The following ATP7A variants were observed in gnomAD, a reference collection of about 807,000 sequenced individuals.
ATP7A encodes the protein ATPase copper transporting alpha.
In ATP7A, 7 loss-of-function variants were observed where a neutral mutation model predicts 83.5. The observed-to-expected ratio is 0.08, with a 90% CI of 0.05 to 0.16. The LOEUF is 0.16. ATP7A is among the 10% of genes least tolerant of loss of function. The pLI, the probability that ATP7A is intolerant of heterozygous loss-of-function variation, is 1.00. For missense variants in ATP7A, 940 were observed against 1,120.8 expected (o/e 0.84, Z 2.30); for synonymous variants, 354 against 395.2 (o/e 0.90, Z 1.24).
chrX:77,923,897 A>G (rs1169146519), intron 1 of ATP7A: 1 of 111,775 alleles, frequency 8.9e-6, no homozygotes, highest in East Asian at 2.8e-4. Context: ...CACAGCTACA[A>G]CAGAATATAC....
intron 2 of ATP7A, among the ~76,000 whole-genome samples, chrX:77,986,445 C>T: frequency 8.9e-6 from 1 of 112,369 alleles, no homozygotes; most frequent in South Asian, 3.7e-4. Flanking sequence ...CTATATTTAA[C>T]TGCTTTTTTG....
At chrX:78,006,276 C>T (rs2077774307) in intron 6 of ATP7A, among the ~76,000 whole-genome samples, 1 of 111,897 alleles carries the variant, frequency 8.9e-6, no homozygotes, top group South Asian at 3.7e-4. Context: ...ATCCAACAGA[C>T]ATTTTTGCAT....
intron 1 of ATP7A, among the ~76,000 whole-genome samples, chrX:77,956,015 A>G (rs1293509017): frequency 9.0e-6 from 1 of 111,136 alleles, no homozygotes; most frequent in African/African-American, 3.3e-5. Context: ...GTATATATAT[A>G]CACCACATTT....
intron 1 of ATP7A, among the ~76,000 whole-genome samples, chrX:77,942,878 G>A (rs2077359179): frequency 1.8e-5 from 2 of 111,547 alleles, no homozygotes; most frequent in South Asian, 3.7e-4. Flanking sequence ...GCATGATCTC[G>A]GCTGACTGCA....
intron 1 of ATP7A, among the ~76,000 whole-genome samples, chrX:77,958,410 G>C (rs1240477047): frequency 9.0e-6 from 1 of 111,455 alleles, no homozygotes; most frequent in Non-Finnish European, 1.9e-5. Flanking sequence ...GATGGCTGTA[G>C]GTGCATGAAT....
intron 2 of ATP7A, among the ~76,000 whole-genome samples, chrX:77,986,381 A>C (rs782060766): frequency 8.9e-6 from 1 of 112,813 alleles, no homozygotes; most frequent in Non-Finnish European, 1.9e-5. Context: ...TTTTAATTAT[A>C]ATTTTGAGTT....
intron 15 of ATP7A, among the ~76,000 whole-genome samples, chrX:78,030,015 G>A (rs1424767973): frequency 2.7e-5 from 3 of 111,964 alleles, no homozygotes; most frequent in African/African-American, 9.7e-5. Flanking sequence ...TATGTACAGA[G>A]GTATATAGTA....
At chrX:77,914,311 C>T (rs1332280632) in intron 1 of ATP7A, among the ~76,000 whole-genome samples, 1 of 110,004 alleles carries the variant, frequency 9.1e-6, no homozygotes, top group African/African-American at 3.3e-5. Context: ...AGTGCAGTGG[C>T]GCCATCATAA....
chrX:77,934,579 C>A (rs1356459529), intron 1 of ATP7A, among the ~76,000 whole-genome samples: 1 of 111,116 alleles, frequency 9.0e-6, no homozygotes, highest in Non-Finnish European at 1.9e-5. Flanking sequence ...GCCTTTTTTT[C>A]CCCCTTAGGG....
intron 1 of ATP7A, among the ~76,000 whole-genome samples, chrX:77,938,459 G>A (rs1272516122): frequency 1.8e-5 from 2 of 112,526 alleles, no homozygotes; most frequent in Admixed American, 1.9e-4. Flanking sequence ...TTCAGTTCTA[G>A]TTCCTTTTTT....
At chrX:77,960,584 C>T (rs924371492) in intron 1 of ATP7A, among the ~76,000 whole-genome samples, 2 of 111,829 alleles carry the variant, frequency 1.8e-5, no homozygotes, top group African/African-American at 3.2e-5. Context: ...TTCATATGTG[C>T]CATGTTTTCT....
At chrX:78,024,936 A>T (rs1344524901) in intron 14 of ATP7A, among the ~76,000 whole-genome samples, 1 of 111,535 alleles carries the variant, frequency 9.0e-6, no homozygotes, top group Non-Finnish European at 1.9e-5. Flanking sequence ...CTTGAGTGCC[A>T]TCTACTGGTG....
Position 78,050,082 on chromosome X carries a change from A to G in ATP7A, c.*3512A>G, listed in dbSNP as rs1244263857. 1 of 112,427 alleles carries G rather than the reference A, an allele frequency of 8.9e-6. No individual in the cohort carries two copies. The highest frequency in any genetic ancestry group is 9.5e-5 in the Admixed American group (1 of 10,494). The allele number at this position is 112,427 out of a possible 1,213,427, so 9.3% of individuals were successfully genotyped here. A position where few individuals can be genotyped will look rare whatever the true frequency, so the allele number is the denominator to read the frequency against. On this transcript the variant is annotated 3_prime_UTR_variant, in exon 23 of 23. Transcript: ENST00000341514. ...ACTTTCTGCAGTCCCTCCATCTGGTATGAGTAACCAGATAGAGCACAAAGC... is the reference window on the plus strand; with the variant it reads ...ACTTTCTGCAGTCCCTCCATCTGGTGTGAGTAACCAGATAGAGCACAAAGC...
chrX:77,962,507 A>G, intron 1 of ATP7A: 1 of 248,742 alleles, frequency 4.0e-6, no homozygotes, highest in Admixed American at 5.0e-5. Flanking sequence ...TTTGTTTAAG[A>G]CGCCAAGAAC....
chrX:77,977,960 G>C (rs967578940), intron 2 of ATP7A, among the ~76,000 whole-genome samples: 7 of 111,847 alleles, frequency 6.3e-5, no homozygotes, highest in Non-Finnish European at 1.1e-4. Context: ...GGGCCAGAGA[G>C]AGATTTTCTG....
At chrX:77,963,376 A>T (rs1557228305) in intron 1 of ATP7A, 1 of 112,134 alleles carries the variant, frequency 8.9e-6, no homozygotes, top group Non-Finnish European at 1.9e-5. Context: ...ACAGTGTCAC[A>T]TAGCATTCAC....
chrX:77,933,379 AT>A (rs11305142), intron 1 of ATP7A, among the ~76,000 whole-genome samples: 4,819 of 111,553 alleles, frequency 0.043, 278 homozygotes, highest in African/African-American at 0.15. Flanking sequence ...GTTTTTAACC[AT>A]TATGCCTCCC....
intron 2 of ATP7A, among the ~76,000 whole-genome samples, chrX:77,984,332 CT>C (rs1183178308): frequency 8.5e-4 from 87 of 102,580 alleles, no homozygotes; most frequent in Admixed American, 1.1e-3. Flanking sequence ...ACATAAGTAC[CT>C]TTTTTTTTTT....
chrX:77,920,381 A>G (rs782516195), intron 1 of ATP7A, among the ~76,000 whole-genome samples: 1 of 109,196 alleles, frequency 9.2e-6, no homozygotes, highest in South Asian at 4.0e-4. Context: ...ACGCCTGGCT[A>G]ATTTTTTTTG....
Sources: gnomAD v4.1 joint callset for allele counts (sites outside exome capture counted in the v4.1 genomes callset) on GRCh38, gnomAD v4.1.1 for gene constraint, MANE v1.5 for transcripts, NCBI Gene and HGNC (gene_info 2026-07-23, HGNC 2026-07-21) for gene names.